LHCGR: variants seen among roughly 807,000 people sequenced by gnomAD.
LHCGR encodes luteinizing hormone/choriogonadotropin receptor.
In LHCGR, 55 loss-of-function variants were observed where a neutral mutation model predicts 60.7. The observed-to-expected ratio is 0.91, with a 90% CI of 0.73 to 1.13. LHCGR has a LOEUF of 1.13. Ranked by LOEUF, LHCGR falls within the 50% of genes most tolerant of loss-of-function variation. The pLI, the probability that LHCGR is intolerant of heterozygous loss-of-function variation, is 0.00. For synonymous variants in LHCGR, 337 were observed against 316.5 expected (o/e 1.06, Z -0.69); for missense variants, 862 against 836.0 (o/e 1.03, Z -0.38).
chr2:48,750,889 G>A (rs917792211), intron 1 of LHCGR, among the ~76,000 whole-genome samples: 2 of 152,204 alleles, frequency 1.3e-5, no homozygotes, highest in Non-Finnish European at 1.5e-5. Flanking sequence ...AGCGCTCCTG[G>A]CCAGGGATGC....
intron 10 of LHCGR, among the ~76,000 whole-genome samples, chr2:48,692,412 C>T (rs1013742789): frequency 6.6e-6 from 1 of 152,012 alleles, no homozygotes. Flanking sequence ...TTTTTTTGCC[C>T]TTCTGGGCAT....
intron 8 of LHCGR, among the ~76,000 whole-genome samples, chr2:48,702,170 C>CT (rs1667442013): frequency 6.6e-6 from 1 of 152,130 alleles, no homozygotes; most frequent in Non-Finnish European, 1.5e-5. Context: ...CTGACTGCAG[C>CT]TTCAGCTCTC....
chr2:48,739,576 A>G (rs1669343765), intron 1 of LHCGR, among the ~76,000 whole-genome samples: 1 of 150,546 alleles, frequency 6.6e-6, no homozygotes, highest in Admixed American at 6.6e-5. Flanking sequence ...AAAACCAAAC[A>G]CTGCATGTTC....
intron 10 of LHCGR, among the ~76,000 whole-genome samples, chr2:48,690,824 T>G (rs911557351): frequency 2.6e-5 from 4 of 152,242 alleles, no homozygotes; most frequent in Non-Finnish European, 5.9e-5. Flanking sequence ...CTATCTTCTT[T>G]AATTGTCTAA....
rs200591881 is a variant in LHCGR, at chr2:48,725,706, G to T, written c.353C>A (p.Ala118Glu). The change falls in exon 4 of 11, where the codon GCA becomes GAA. Residue 118 changes from alanine (A) to glutamate (E), a missense_variant. Coordinates refer to ENST00000294954, the MANE Select transcript of LHCGR (RefSeq NM_000233.4). ...TTTTAATCGGGGAAGATTTATAAAT[G>T]CTCCGGGCTCAATGTATCTCAGATT... Reference protein sequence around the residue: ...TKNLRYIEPGAFINLPRLKYL... With the variant: ...TKNLRYIEPGEFINLPRLKYL... The T allele has an allele frequency of 6.2e-7, 1 of 1,613,486 alleles. No homozygotes were observed. Among genetic ancestry groups the T allele is most frequent in the Admixed American group, 1.7e-5 (1 of 60,010 alleles).
chr2:48,688,418 A>G lies in LHCGR; in HGVS notation c.1379T>C (p.Ile460Thr). Residue 460 changes from isoleucine to threonine, a missense_variant, in exon 11 of 11, where the codon ATC becomes ACC. Ile to Thr is a moderately conservative substitution (Grantham distance 89). Coordinates refer to ENST00000294954, the MANE Select transcript of LHCGR (RefSeq NM_000233.4). This position sits in a 1 kb window ranked among gnomAD's most constrained non-coding sequence, Gnocchi z 5.2. Reference protein sequence around the residue: ...SELSVYTLTVITLERWHTITY... With the variant: ...SELSVYTLTVTTLERWHTITY... ...GATGGTGTGCCATCTTTCTAGAGTG[A>G]TGACGGTGAGGGTGTAGACAGAAAG... 3 of 1,614,214 alleles carry G rather than the reference A, an allele frequency of 1.9e-6. No homozygotes were observed. The highest frequency in any genetic ancestry group is 2.5e-6 in the Non-Finnish European group (3 of 1,180,042).
In LHCGR at chr2:48,688,323, G is replaced by T. The variant is rs1680011902; in HGVS notation, c.1474C>A (p.Leu492Ile). ...HAILIMLGGW[L>I]FSSLIAMLPL... is the part of the protein sequence containing the mutation. ...AACATAGCAATTAGAGAAGAAAAGA[G>T]CCATCCTCCAAGCATAATCAGAATG... The change falls in exon 11 of 11, where the codon CTC becomes ATC. Residue 492 changes from leucine to isoleucine, a missense_variant. Coordinates refer to ENST00000294954, the MANE Select transcript of LHCGR (RefSeq NM_000233.4). The surrounding 1 kb of genome is among the most constrained non-coding windows in gnomAD (Gnocchi z 5.2). The T allele has an allele frequency of 1.2e-6, 2 of 1,614,000 alleles. No homozygotes were observed. Among genetic ancestry groups the T allele is most frequent in the Non-Finnish European group, 1.7e-6 (2 of 1,180,034 alleles).
intron 1 of LHCGR, among the ~76,000 whole-genome samples, chr2:48,740,247 T>C (rs1389344621): frequency 1.3e-5 from 2 of 151,794 alleles, no homozygotes; most frequent in Admixed American, 6.6e-5. Context: ...AACTGCAAGG[T>C]GGCAGCGAGG....
At chr2:48,718,360 G>C (rs1440147263) in intron 6 of LHCGR, among the ~76,000 whole-genome samples, 1 of 152,118 alleles carries the variant, frequency 6.6e-6, no homozygotes, top group Non-Finnish European at 1.5e-5. Context: ...AATTCTGAAT[G>C]CTGCTTTATA....
chr2:48,748,651 T>C (rs751873903), intron 1 of LHCGR, among the ~76,000 whole-genome samples: 2 of 152,220 alleles, frequency 1.3e-5, no homozygotes, highest in Admixed American at 6.5e-5. Flanking sequence ...ACCTCACATA[T>C]GGGCTGTGGG....
intron 7 of LHCGR, among the ~76,000 whole-genome samples, chr2:48,710,873 G>A (rs1667955338): frequency 6.6e-6 from 1 of 152,174 alleles, no homozygotes; most frequent in South Asian, 2.1e-4. Flanking sequence ...AATTTTGCTT[G>A]ACAGTTTTGA....
intron 1 of LHCGR, among the ~76,000 whole-genome samples, chr2:48,732,091 C>T (rs1669017162): frequency 6.6e-6 from 1 of 152,134 alleles, no homozygotes; most frequent in Non-Finnish European, 1.5e-5. Context: ...AAGAGTGACA[C>T]TCAGAAATGC....
intron 1 of LHCGR, among the ~76,000 whole-genome samples, chr2:48,733,449 G>A (rs1669091767): frequency 6.6e-6 from 1 of 152,182 alleles, no homozygotes; most frequent in South Asian, 2.1e-4. Flanking sequence ...TCATGCAATG[G>A]CAGTCTCCAG....
chr2:48,686,801 T>C lies in LHCGR; in HGVS notation c.*896A>G, dbSNP rs957993247. 1 of 152,192 alleles carries C rather than the reference T, an allele frequency of 6.6e-6. No homozygotes were observed. The highest frequency in any genetic ancestry group is 2.4e-5 in the African/African-American group (1 of 41,448). The allele number at this position is 152,192 out of a possible 1,614,324, so 9.4% of individuals were successfully genotyped here. ...ATTTTTAAATATTTAAACATTTTATTTCATTCAAATAAAAATATAAGCTCT... is the reference window on the plus strand; with the variant it reads ...ATTTTTAAATATTTAAACATTTTATCTCATTCAAATAAAAATATAAGCTCT... On this transcript the variant is annotated 3_prime_UTR_variant, in exon 11 of 11. Coordinates refer to ENST00000294954, the MANE Select transcript of LHCGR (RefSeq NM_000233.4).
intron 8 of LHCGR, among the ~76,000 whole-genome samples, chr2:48,702,712 G>A (rs535424577): frequency 6.6e-5 from 10 of 152,190 alleles, no homozygotes; most frequent in South Asian, 6.2e-4. Context: ...GAATAGTGCC[G>A]CAATAAACAT....
chr2:48,743,462 G>A (rs1298274215), intron 1 of LHCGR, among the ~76,000 whole-genome samples: 3 of 152,200 alleles, frequency 2.0e-5, no homozygotes, highest in South Asian at 2.1e-4. Context: ...CTGGCAAACC[G>A]AATCCAGCAG....
At chr2:48,709,876 C>T (rs868617936) in intron 7 of LHCGR, among the ~76,000 whole-genome samples, 19 of 152,112 alleles carry the variant, frequency 1.2e-4, no homozygotes, top group Admixed American at 1.0e-3. Context: ...AAGAGGAATC[C>T]CTGGGCTCAA....
chr2:48,752,783 C>A lies in LHCGR; in HGVS notation c.161+2728G>T, dbSNP rs1310550028. ...TTGTTAGACTGATGCTCTCCTCCTA[C>A]CCCCATTGAGATCTGACAATTAACA... On this transcript the variant is annotated intron_variant, in intron 1 of 10. Coordinates refer to ENST00000294954, the MANE Select transcript of LHCGR (RefSeq NM_000233.4). Among the ~76,000 whole-genome samples, 5 of 152,086 alleles carry A rather than the reference C, an allele frequency of 3.3e-5. No individual in the cohort carries two copies. The South Asian group carries it at 1.0e-3, about 32-fold the overall frequency.
intron 10 of LHCGR, 107 bp downstream of exon 10, chr2:48,694,117 C>T (rs1321170378): frequency 2.6e-6 from 2 of 774,688 alleles, no homozygotes; most frequent in African/African-American, 3.4e-5. Context: ...TGCTTTGCAA[C>T]AGCTCCGTAA....
Sources: allele counts gnomAD v4.1 joint callset (sites outside exome capture counted in the v4.1 genomes callset), GRCh38; gene constraint gnomAD v4.1.1; non-coding constraint Gnocchi (gnomAD v3.1); transcripts MANE v1.5; gene names NCBI Gene and HGNC (gene_info 2026-07-23, HGNC 2026-07-21).